TEKT5: variants seen among roughly 807,000 people sequenced by gnomAD.
TEKT5 encodes tektin 5.
TEKT5 carries 52 observed loss-of-function variants against 48.7 expected under a neutral mutation model. The observed-to-expected ratio is 1.07, with a 90% CI of 0.86 to 1.35. TEKT5 has a LOEUF of 1.35. Ranked by LOEUF, TEKT5 falls within the 40% of genes most tolerant of loss-of-function variation. The pLI, the probability that TEKT5 is intolerant of heterozygous loss-of-function variation, is 0.00. For synonymous variants in TEKT5, 318 were observed against 267.6 expected (o/e 1.19, Z -1.84); for missense variants, 831 against 641.6 (o/e 1.30, Z -3.19).
intron 6 of TEKT5, among the ~76,000 whole-genome samples, chr16:10,631,255 CAAAAAAA>C (rs557852936): frequency 1.7e-5 from 1 of 60,282 alleles, no homozygotes; most frequent in African/African-American, 5.9e-5. Context: ...GACTCCATCT[CAAAAAAA>C]AAAAAAAAAA....
Position 10,682,075 on chromosome 16 carries a change from A to G in TEKT5, c.781T>C (p.Cys261Arg), listed in dbSNP as rs138988373. 3.0e-3 allele frequency: 4,788 copies of G among 1,614,040 alleles called. 14 individuals are homozygous for G. Among genetic ancestry groups the G allele is most frequent in the Non-Finnish European group, 3.6e-3 (4,213 of 1,180,008 alleles). ...RDLEDKSSAQ[C>R]IDEKCFNLRN... ...AGGTTAAAGCACTTCTCATCGATACACTGGGCCGAGCTTTTGTCTTCGAGG... is the reference window on the plus strand; with the variant it reads ...AGGTTAAAGCACTTCTCATCGATACGCTGGGCCGAGCTTTTGTCTTCGAGG... Residue 261 changes from cysteine (C) to arginine (R), a missense_variant, in exon 4 of 7, where the codon TGT (cysteine) becomes CGT (arginine). Transcript: ENST00000283025.
chr16:10,648,853 C>A (rs751181755), intron 5 of TEKT5, among the ~76,000 whole-genome samples: 9 of 152,258 alleles, frequency 5.9e-5, no homozygotes, highest in African/African-American at 2.2e-4. Flanking sequence ...GTTGGCTCTG[C>A]TTCCCTTATA....
intron 5 of TEKT5, among the ~76,000 whole-genome samples, chr16:10,646,739 G>A (rs529530216): frequency 6.6e-6 from 1 of 152,332 alleles, no homozygotes; most frequent in Non-Finnish European, 1.5e-5. Context: ...GCTGGGTTAT[G>A]GGAGGGCAAG....
chr16:10,680,507 C>A (rs1332855586), intron 4 of TEKT5, among the ~76,000 whole-genome samples: 3 of 151,756 alleles, frequency 2.0e-5, no homozygotes, highest in Non-Finnish European at 4.4e-5. Context: ...AGACTCCACC[C>A]TCTTTCTCAT....
chr16:10,655,471 G>T (rs183399789), intron 5 of TEKT5, among the ~76,000 whole-genome samples: 5 of 152,206 alleles, frequency 3.3e-5, no homozygotes, highest in Admixed American at 3.3e-4. Flanking sequence ...TTATTGTGAG[G>T]GTTATGTAAG....
At chr16:10,630,579 C>T (rs1897825034) in intron 6 of TEKT5, among the ~76,000 whole-genome samples, 1 of 152,166 alleles carries the variant, frequency 6.6e-6, no homozygotes, top group African/African-American at 2.4e-5. Flanking sequence ...TATGTTGCAG[C>T]AGTGCCGTGG....
intron 3 of TEKT5, 90 bp from the exon 4 acceptor site, chr16:10,682,226 G>A (rs1898769610): frequency 1.3e-6 from 2 of 1,487,714 alleles, no homozygotes; most frequent in South Asian, 2.8e-5. Context: ...GCAAGCCCTG[G>A]ACTCCCAGAA....
intron 4 of TEKT5, among the ~76,000 whole-genome samples, chr16:10,681,685 G>C (rs1398736072): frequency 6.6e-6 from 1 of 151,220 alleles, no homozygotes; most frequent in East Asian, 1.9e-4. Flanking sequence ...CCTGAAATTT[G>C]GATCTTGAAT....
intron 5 of TEKT5, among the ~76,000 whole-genome samples, chr16:10,647,509 G>T (rs1038551974): frequency 1.3e-5 from 2 of 149,142 alleles, no homozygotes; most frequent in Non-Finnish European, 3.0e-5. Context: ...CCTGTGGTAC[G>T]CGCCTTCCTG....
At chr16:10,687,650 G>T (rs924027451) in intron 3 of TEKT5, among the ~76,000 whole-genome samples, 1 of 152,256 alleles carries the variant, frequency 6.6e-6, no homozygotes, top group Non-Finnish European at 1.5e-5. Flanking sequence ...CTACTCGGGA[G>T]GCTGAGGCAG....
At chr16:10,691,696 C>T (rs1481621112) in intron 1 of TEKT5, among the ~76,000 whole-genome samples, 1 of 152,058 alleles carries the variant, frequency 6.6e-6, no homozygotes, top group East Asian at 1.9e-4. Context: ...CGCCTGTAAT[C>T]CCAGCACTTT....
chr16:10,689,816 G>C (rs1015346539), intron 2 of TEKT5, 126 bp downstream of exon 2: 2 of 877,942 alleles, frequency 2.3e-6, no homozygotes, highest in Non-Finnish European at 3.5e-6. Context: ...CATGCTTCCT[G>C]AGCCCTCACT....
intron 2 of TEKT5, 60 bp downstream of exon 2, chr16:10,689,882 C>A: frequency 1.9e-6 from 3 of 1,559,502 alleles, no homozygotes; most frequent in Non-Finnish European, 1.8e-6. Context: ...AGTAATTTCT[C>A]TGACCTGCTG....
At chr16:10,669,373 C>A (rs1898516532) in intron 5 of TEKT5, among the ~76,000 whole-genome samples, 2 of 152,030 alleles carry the variant, frequency 1.3e-5, no homozygotes, top group Admixed American at 1.3e-4. Flanking sequence ...GCAGGAGAAT[C>A]GCTTGAACCT....
chr16:10,648,923 A>C (rs565084046), intron 5 of TEKT5, among the ~76,000 whole-genome samples: 57 of 152,318 alleles, frequency 3.7e-4, no homozygotes, highest in African/African-American at 1.3e-3. Flanking sequence ...TTTATTGAAG[A>C]GACCTGAAGT....
At chr16:10,643,200 G>T (rs1185282457) in intron 5 of TEKT5, among the ~76,000 whole-genome samples, 2 of 151,828 alleles carry the variant, frequency 1.3e-5, no homozygotes, top group Admixed American at 6.6e-5. Context: ...GGGCAACACA[G>T]TGAGACCCCA....
At chr16:10,660,385 C>G (rs931628484) in intron 5 of TEKT5, among the ~76,000 whole-genome samples, 2 of 152,126 alleles carry the variant, frequency 1.3e-5, no homozygotes, top group African/African-American at 4.8e-5. Context: ...CCACCCCACC[C>G]CCACCTGCTG....
chr16:10,674,617 G>GAAAAAAAAAAAAAA (rs57583870), intron 5 of TEKT5, among the ~76,000 whole-genome samples: 1 of 74,744 alleles, frequency 1.3e-5, no homozygotes, highest in Non-Finnish European at 2.4e-5. Context: ...GATCATCTCA[G>GAAAAAAAAAAAAAA]AAAAAAAAAA....
intron 5 of TEKT5, among the ~76,000 whole-genome samples, chr16:10,670,843 G>A (rs1898537361): frequency 6.6e-6 from 1 of 151,772 alleles, no homozygotes; most frequent in Admixed American, 6.6e-5. Flanking sequence ...AAACTTCCCT[G>A]GAGGAATTTT....
Sources: allele counts gnomAD v4.1 joint callset (sites outside exome capture counted in the v4.1 genomes callset), GRCh38; gene constraint gnomAD v4.1.1; transcripts MANE v1.5; gene names NCBI Gene and HGNC (gene_info 2026-07-23, HGNC 2026-07-21).